Variants in CPEB4 observed in about 807,000 individuals in gnomAD.
CPEB4 encodes cytoplasmic polyadenylation element-binding protein 4.
Under a neutral mutation model 72.5 loss-of-function variants are expected in CPEB4, and 12 were observed. The ratio of observed to expected loss-of-function variants is 0.17; its 90% confidence interval spans 0.11 to 0.27. The LOEUF is 0.27. Among genes scored for constraint, CPEB4 ranks in the 10% least tolerant of loss-of-function variants. The pLI is 1.00. For missense variants in CPEB4, 614 were observed against 908.5 expected (o/e 0.68, Z 4.17); for synonymous variants, 302 against 326.3 (o/e 0.93, Z 0.80).
chr5:173,946,418 T>G (rs1758016773), intron 5 of CPEB4, among the ~76,000 whole-genome samples: 1 of 152,196 alleles, frequency 6.6e-6, no homozygotes, highest in Non-Finnish European at 1.5e-5. Flanking sequence ...AAGAAGAGAA[T>G]TAGTACCTTG....
chr5:173,938,781 CT>C (rs1192845429), intron 3 of CPEB4, among the ~76,000 whole-genome samples: 1 of 152,082 alleles, frequency 6.6e-6, no homozygotes, highest in Admixed American at 6.6e-5. Context: ...GGAAAGTATG[CT>C]TTTGTATGAA....
At chr5:173,901,631 C>T (rs1268769372) in intron 1 of CPEB4, among the ~76,000 whole-genome samples, 1 of 152,220 alleles carries the variant, frequency 6.6e-6, no homozygotes, top group Non-Finnish European at 1.5e-5. Flanking sequence ...TGAAGTCAGA[C>T]TCGACCACTT....
At chr5:173,954,971 C>G (rs191962551) in intron 9 of CPEB4, among the ~76,000 whole-genome samples, 1 of 152,154 alleles carries the variant, frequency 6.6e-6, no homozygotes, top group African/African-American at 2.4e-5. Context: ...GGGTCTCACT[C>G]TGTCACCCAG....
intron 4 of CPEB4, among the ~76,000 whole-genome samples, chr5:173,944,412 C>G (rs1439750669): frequency 4.0e-5 from 6 of 148,668 alleles, no homozygotes; most frequent in Non-Finnish European, 7.4e-5. Flanking sequence ...GAGTTTGAGG[C>G]TGCAGTGAGC....
chr5:173,918,496 A>G (rs146497264), intron 2 of CPEB4, among the ~76,000 whole-genome samples: 98 of 152,250 alleles, frequency 6.4e-4, no homozygotes, highest in African/African-American at 2.2e-3. Context: ...GGGTTTTTAT[A>G]AGGCGGGGAG....
In CPEB4 at chr5:173,912,132, T is replaced by C. The variant is rs575419168; in HGVS notation, c.1207+1528T>C. ...ATGGAATTCTGGTGGATGACTTTAG[T>C]GTAGATGCATGCTATATAGCTGTGG... On this transcript the variant is annotated intron_variant, in intron 2 of 9. Transcript: ENST00000265085. Among the ~76,000 whole-genome samples, 7 of 152,324 alleles carry C rather than the reference T, an allele frequency of 4.6e-5. No individual in the cohort carries two copies. The South Asian group carries it at 1.5e-3, about 32-fold the overall frequency.
chr5:173,924,305 C>T (rs896815102), intron 2 of CPEB4, among the ~76,000 whole-genome samples: 1 of 152,050 alleles, frequency 6.6e-6, no homozygotes, highest in Non-Finnish European at 1.5e-5. Context: ...TATTATGTAT[C>T]TTTGCCAGTT....
At chr5:173,929,614 C>T (rs529977871) in intron 2 of CPEB4, among the ~76,000 whole-genome samples, 1 of 152,186 alleles carries the variant, frequency 6.6e-6, no homozygotes, top group South Asian at 2.1e-4. Context: ...GTGGTAGGAT[C>T]ACTTAAGCCT....
chr5:173,902,993 A>G (rs979126107), intron 1 of CPEB4, among the ~76,000 whole-genome samples: 1 of 151,728 alleles, frequency 6.6e-6, no homozygotes, highest in East Asian at 1.9e-4. Context: ...GCATTTGACC[A>G]GTTGTGAGAG....
intron 2 of CPEB4, among the ~76,000 whole-genome samples, chr5:173,931,305 C>T (rs927572906): frequency 1.3e-5 from 2 of 152,188 alleles, no homozygotes; most frequent in Non-Finnish European, 1.5e-5. Flanking sequence ...CTGCCCCAGC[C>T]GCAAGCCATT....
At chr5:173,923,805 A>G (rs1757152836) in intron 2 of CPEB4, among the ~76,000 whole-genome samples, 1 of 152,104 alleles carries the variant, frequency 6.6e-6, no homozygotes, top group Admixed American at 6.5e-5. Flanking sequence ...CTCTGGTATC[A>G]TAACATCCTC....
chr5:173,895,254 A>G (rs1755964781), intron 1 of CPEB4, among the ~76,000 whole-genome samples: 1 of 152,226 alleles, frequency 6.6e-6, no homozygotes, highest in African/African-American at 2.4e-5. Context: ...GGCACCTGCC[A>G]ATAATTATAT....
chr5:173,903,058 A>G (rs1488852671), intron 1 of CPEB4, among the ~76,000 whole-genome samples: 3 of 139,624 alleles, frequency 2.1e-5, no homozygotes, highest in Non-Finnish European at 4.9e-5. Flanking sequence ...ATGTAGCTGA[A>G]TGAAAAAAAA....
intron 3 of CPEB4, among the ~76,000 whole-genome samples, chr5:173,942,412 C>T (rs899507487): frequency 4.6e-5 from 7 of 152,196 alleles, no homozygotes; most frequent in African/African-American, 1.7e-4. Flanking sequence ...TACTTTGCCC[C>T]TTGGCTACAA....
chr5:173,927,251 T>G (rs1373130680), intron 2 of CPEB4, among the ~76,000 whole-genome samples: 1 of 152,192 alleles, frequency 6.6e-6, no homozygotes, highest in Non-Finnish European at 1.5e-5. Flanking sequence ...AATTTTTATT[T>G]TATTATACTT....
intron 2 of CPEB4, chr5:173,918,079 G>C (rs1271948368): frequency 6.6e-6 from 1 of 152,232 alleles, no homozygotes; most frequent in Non-Finnish European, 1.5e-5. Context: ...ATAGCAAAGA[G>C]TATAATTTAA....
chr5:173,954,051 T>C (rs969892652), intron 9 of CPEB4, among the ~76,000 whole-genome samples: 1 of 151,962 alleles, frequency 6.6e-6, no homozygotes, highest in Admixed American at 6.6e-5. Context: ...AGGGAAGCAA[T>C]ATATTGATTT....
chr5:173,890,990 G>C, intron 1 of CPEB4, 132 bp downstream of exon 1: 1 of 875,900 alleles, frequency 1.1e-6, no homozygotes, highest in Middle Eastern at 3.6e-4. Context: ...TCAATAACCA[G>C]ACTTTATTTT....
intron 1 of CPEB4, among the ~76,000 whole-genome samples, chr5:173,908,262 T>C (rs1487991102): frequency 6.6e-6 from 1 of 152,202 alleles, no homozygotes; most frequent in African/African-American, 2.4e-5. Flanking sequence ...CCATGTATAC[T>C]CCTGCCTCTC....
Sources: allele counts gnomAD v4.1 joint callset (sites outside exome capture counted in the v4.1 genomes callset), GRCh38; gene constraint gnomAD v4.1.1; transcripts MANE v1.5; gene names NCBI Gene and HGNC (gene_info 2026-07-23, HGNC 2026-07-21).